TDRD7: variants seen among roughly 807,000 people sequenced by gnomAD.
TDRD7 encodes the protein tudor domain-containing protein 7.
Under a neutral mutation model 109.8 loss-of-function variants are expected in TDRD7, and 47 were observed. That is an observed-to-expected ratio of 0.43 (90% CI 0.34 to 0.55). The LOEUF is 0.55. Among genes scored for constraint, TDRD7 ranks in the 20% least tolerant of loss-of-function variants. TDRD7 has a pLI of 0.03. For synonymous variants in TDRD7, 424 were observed against 457.3 expected, an observed-to-expected ratio of 0.93 and a Z score of 0.93; for missense variants, 1,164 against 1,319.2, an observed-to-expected ratio of 0.88 and a Z score of 1.82.
intron 6 of TDRD7, among the ~76,000 whole-genome samples, chr9:97,444,985 T>C (rs1410394595): frequency 2.0e-5 from 3 of 152,236 alleles, no homozygotes; most frequent in African/African-American, 7.2e-5. Flanking sequence ...TTGAATCTGT[T>C]GTCCTTAACC....
Position 97,460,338 on chromosome 9 carries a change from G to A in TDRD7, c.1016G>A (p.Gly339Glu), listed in dbSNP as rs1345027592. Residue 339 changes from glycine to glutamate, a missense_variant, in exon 7 of 17, where the codon GGA becomes GAA. This residue lies in a region of TDRD7 where 407 missense variants were observed against 394.0 expected (regional missense o/e 1.03). Coordinates refer to ENST00000355295, the MANE Select transcript of TDRD7 (RefSeq NM_014290.3). ...PLKGCPTVMAGDFKEKVADLL... is the reference protein window; with the variant it reads ...PLKGCPTVMAEDFKEKVADLL... Reference sequence around the variant, plus strand: ...AAAGGGTGTCCAACAGTTATGGCAGGAGACTTTAAAGAAAAAGTGGCAGAC... The same window carrying A: ...AAAGGGTGTCCAACAGTTATGGCAGAAGACTTTAAAGAAAAAGTGGCAGAC... 3 of 1,614,194 alleles carry A rather than the reference G, an allele frequency of 1.9e-6. No homozygotes were observed. In the African/African-American group the frequency reaches 4.0e-5, roughly 22 times the overall value.
intron 8 of TDRD7, among the ~76,000 whole-genome samples, chr9:97,469,949 T>C (rs1828883489): frequency 6.6e-6 from 1 of 152,092 alleles, no homozygotes; most frequent in Non-Finnish European, 1.5e-5. Flanking sequence ...TTCACACCCT[T>C]GAAAAAAATA....
intron 1 of TDRD7, among the ~76,000 whole-genome samples, chr9:97,419,787 A>C (rs1241372392): frequency 2.6e-5 from 4 of 151,946 alleles, no homozygotes; most frequent in African/African-American, 9.7e-5. Context: ...CCTGTTCTTA[A>C]TTCTTCAGGG....
intron 14 of TDRD7, among the ~76,000 whole-genome samples, chr9:97,481,889 G>A (rs6415827): frequency 0.89 from 134,710 of 152,032 alleles, 59,875 homozygotes; most frequent in African/African-American, 0.93. Context: ...ATCTTGTTGG[G>A]AAAAAAAAGA....
rs1391834064 is a variant in TDRD7, at chr9:97,412,567, G to C, written c.-7+329G>C. On this transcript the variant is annotated intron_variant, in intron 1 of 16. Coordinates refer to ENST00000355295, the MANE Select transcript of TDRD7 (RefSeq NM_014290.3). This position sits in a 1 kb window ranked among gnomAD's most constrained non-coding sequence, Gnocchi z 4.3. Reference sequence around the variant, plus strand: ...TCTGCGCCGTGGGGGAAATGCAGCAGCGGGGTGTGGACGCGGGCGGGAGAT... The same window carrying C: ...TCTGCGCCGTGGGGGAAATGCAGCACCGGGGTGTGGACGCGGGCGGGAGAT... Among the ~76,000 whole-genome samples, 1 of 152,230 alleles carries C rather than the reference G, an allele frequency of 6.6e-6. No individual in the cohort carries two copies. Among genetic ancestry groups the C allele is most frequent in the Non-Finnish European group, 1.5e-5 (1 of 68,044 alleles).
intron 16 of TDRD7, among the ~76,000 whole-genome samples, chr9:97,494,698 A>ATATATATATATATG (rs1450347812): frequency 0.024 from 2,233 of 94,368 alleles, 18 homozygotes; most frequent in Non-Finnish European, 0.037. Context: ...ATATATGTAT[A>ATATATATATATATG]TATATATATA....
At chr9:97,464,759 A>C (rs774266606) in intron 7 of TDRD7, 83 bp from the exon 8 acceptor site, 5 of 1,500,894 alleles carry the variant, frequency 3.3e-6, no homozygotes, top group Non-Finnish European at 4.6e-6. Context: ...GCAGCAGGGA[A>C]AAAAGAAGGA....
intron 4 of TDRD7, among the ~76,000 whole-genome samples, chr9:97,437,467 A>G (rs1395947477): frequency 1.3e-5 from 2 of 152,198 alleles, no homozygotes; most frequent in Non-Finnish European, 2.9e-5. Flanking sequence ...ATACTAGCAA[A>G]GTTGAAATTA....
At chr9:97,441,993 C>G (rs1828315163) in intron 6 of TDRD7, 118 bp downstream of exon 6, 1 of 813,414 alleles carries the variant, frequency 1.2e-6, no homozygotes, top group African/African-American at 1.7e-5. Flanking sequence ...CATATGTTAC[C>G]TCATTAATCT....
At chr9:97,415,787 T>C (rs921214291) in intron 1 of TDRD7, among the ~76,000 whole-genome samples, 2 of 152,232 alleles carry the variant, frequency 1.3e-5, no homozygotes, top group Non-Finnish European at 2.9e-5. Context: ...TGATATACTT[T>C]CTTTTATGCT....
At chr9:97,425,595 A>T (rs1194707104) in intron 1 of TDRD7, among the ~76,000 whole-genome samples, 1 of 152,152 alleles carries the variant, frequency 6.6e-6, no homozygotes, top group East Asian at 1.9e-4. Flanking sequence ...CCCATTGTTA[A>T]GTGACGCATG....
intron 7 of TDRD7, among the ~76,000 whole-genome samples, chr9:97,461,018 G>A (rs932235988): frequency 1.3e-5 from 2 of 152,002 alleles, no homozygotes; most frequent in Admixed American, 6.6e-5. Flanking sequence ...GCGGGTGCCT[G>A]TAGTCCCAGC....
chr9:97,471,277 CG>C (rs1330582546), intron 9 of TDRD7, among the ~76,000 whole-genome samples: 4 of 151,964 alleles, frequency 2.6e-5, no homozygotes. Context: ...TGCACCATGC[CG>C]GGGGGGACTT....
At chr9:97,484,300 G>T (rs573434490) in intron 15 of TDRD7, among the ~76,000 whole-genome samples, 2 of 152,100 alleles carry the variant, frequency 1.3e-5, no homozygotes, top group Non-Finnish European at 2.9e-5. Flanking sequence ...TGCAGGATGT[G>T]CTGGTTTCAT....
At chr9:97,427,322 A>T (rs373849121) in intron 1 of TDRD7, among the ~76,000 whole-genome samples, 1 of 151,994 alleles carries the variant, frequency 6.6e-6, no homozygotes, top group Non-Finnish European at 1.5e-5. Flanking sequence ...CCTTTTATTC[A>T]TATGGCATTA....
At position 97,436,467 on chromosome 9, in the gene TDRD7, TG is replaced by T. The variant is rs1828200185; in HGVS notation, c.564-2776del. The stretch of plus-strand genomic sequence containing the variant: ...CTCTTTTCCTTCTAACATATAAAAG[TG>T]GTTTATAAATTAAATAAGTTGGCCC... On this transcript the variant is annotated intron_variant, in intron 4 of 16. Transcript: ENST00000355295. Among the ~76,000 whole-genome samples, 4 of 152,260 alleles carry T rather than the reference TG, an allele frequency of 2.6e-5. No individual in the cohort carries two copies. The South Asian group carries it at 8.3e-4, about 32-fold the overall frequency.
chr9:97,480,946 A>G lies in TDRD7; in HGVS notation c.2412+8A>G, dbSNP rs770611105. The G allele has an allele frequency of 5.0e-6, 8 of 1,610,728 alleles. No individual in the cohort carries two copies. Among genetic ancestry groups the G allele is most frequent in the African/African-American group, 2.7e-5 (2 of 74,990 alleles). ...TCGGACTGTAGCATTAAGGTTAGCTATCTTGTTGGGCCTGATACATTTAGA... is the reference window on the plus strand; with the variant it reads ...TCGGACTGTAGCATTAAGGTTAGCTGTCTTGTTGGGCCTGATACATTTAGA... On this transcript the variant is annotated splice_region_variant and intron_variant, in intron 14 of 16. Transcript: ENST00000355295.
intron 14 of TDRD7, among the ~76,000 whole-genome samples, chr9:97,481,984 C>G (rs1829124389): frequency 6.6e-6 from 1 of 152,108 alleles, no homozygotes; most frequent in African/African-American, 2.4e-5. Context: ...CATTTCTAGC[C>G]CTATTTGGTA....
At chr9:97,463,841 A>G (rs1828773498) in intron 7 of TDRD7, among the ~76,000 whole-genome samples, 1 of 152,246 alleles carries the variant, frequency 6.6e-6, no homozygotes, top group Non-Finnish European at 1.5e-5. Context: ...CTGAAAAAAA[A>G]TATTTCTCAA....
Sources: gnomAD v4.1 joint callset for allele counts (sites outside exome capture counted in the v4.1 genomes callset) on GRCh38, gnomAD v4.1.1 for gene constraint, gnomAD v4.1.1 regional missense constraint, Gnocchi (gnomAD v3.1) non-coding constraint, MANE v1.5 for transcripts, NCBI Gene and HGNC (gene_info 2026-07-23, HGNC 2026-07-21) for gene names.